Variants in PLEKHH2 observed in about 807,000 individuals in gnomAD.
The protein encoded by PLEKHH2 is pleckstrin homology, MyTH4 and FERM domain containing H2, also known as pleckstrin homology domain-containing family H member 2.
A neutral mutation model predicts 187.9 loss-of-function variants in PLEKHH2; 129 were observed. The ratio of observed to expected loss-of-function variants is 0.69; its 90% CI spans 0.59 to 0.79. PLEKHH2 has a LOEUF of 0.79. Among genes scored for constraint, PLEKHH2 ranks in the 30% least tolerant of loss-of-function variants. The pLI, the probability that PLEKHH2 is intolerant of heterozygous loss-of-function variation, is 0.00. For missense variants in PLEKHH2, 2,076 were observed against 1,751.2 expected, an observed-to-expected ratio of 1.19 and a Z score of -3.31; for synonymous variants, 686 against 605.6, an observed-to-expected ratio of 1.13 and a Z score of -1.95.
intron 2 of PLEKHH2, among the ~76,000 whole-genome samples, chr2:43,663,955 T>G (rs1667106264): frequency 8.3e-6 from 1 of 119,912 alleles, no homozygotes; most frequent in Non-Finnish European, 1.8e-5. Context: ...TTCTGTTGAT[T>G]TGGGGTGGAG....
chr2:43,762,868 C>T (rs559413166), intron 28 of PLEKHH2, among the ~76,000 whole-genome samples: 4 of 152,188 alleles, frequency 2.6e-5, no homozygotes, highest in African/African-American at 9.6e-5. Context: ...TATATGTGTT[C>T]ATTTATTTAC....
intron 20 of PLEKHH2, among the ~76,000 whole-genome samples, chr2:43,740,258 C>T (rs1671499218): frequency 6.6e-6 from 1 of 152,086 alleles, no homozygotes; most frequent in African/African-American, 2.4e-5. Flanking sequence ...CATTTTTTAA[C>T]AAATGCAGTG....
intron 3 of PLEKHH2, among the ~76,000 whole-genome samples, chr2:43,682,008 A>G (rs1420050765): frequency 6.6e-6 from 1 of 152,134 alleles, no homozygotes; most frequent in Non-Finnish European, 1.5e-5. Context: ...CGCATCACCC[A>G]CTTCAACAAT....
chr2:43,701,158 A>G (rs762029504), intron 8 of PLEKHH2, among the ~76,000 whole-genome samples: 1 of 152,238 alleles, frequency 6.6e-6, no homozygotes, highest in Non-Finnish European at 1.5e-5. Context: ...GAACTTTGAG[A>G]TTAGCTGGAT....
intron 2 of PLEKHH2, among the ~76,000 whole-genome samples, chr2:43,667,499 A>G: frequency 6.6e-6 from 1 of 152,364 alleles, no homozygotes; most frequent in African/African-American, 2.4e-5. Flanking sequence ...TCATAGCACC[A>G]TTATTTATAA....
chr2:43,762,137 C>T (rs565063240), intron 27 of PLEKHH2, among the ~76,000 whole-genome samples, 167 bp from the exon 28 acceptor site: 20 of 152,302 alleles, frequency 1.3e-4, no homozygotes, highest in African/African-American at 4.6e-4. Context: ...CGAATTCACT[C>T]TTAGCTCCGG....
At position 43,709,705 on chromosome 2, in the gene PLEKHH2, G is replaced by A. The variant is rs191165289; in HGVS notation, c.1967-285G>A. On this transcript the variant is annotated intron_variant, in intron 11 of 29. Coordinates refer to ENST00000282406, the MANE Select transcript of PLEKHH2 (RefSeq NM_172069.4). Reference sequence around the variant, plus strand: ...ACAAAAATTAGCTGGGCGTGGTGGCGCACACCTGTAGCCCCAGCTACTCGG... The same window carrying A: ...ACAAAAATTAGCTGGGCGTGGTGGCACACACCTGTAGCCCCAGCTACTCGG... Among the ~76,000 whole-genome samples the A allele has an allele frequency of 3.5e-3, 538 of 152,208 alleles. 4 individuals carry two copies. Among genetic ancestry groups the A allele is most frequent in the Middle Eastern group, 0.01 (3 of 294 alleles).
intron 11 of PLEKHH2, 71 bp from the exon 12 acceptor site, chr2:43,709,919 A>G: frequency 7.3e-7 from 1 of 1,376,748 alleles, no homozygotes; most frequent in Non-Finnish European, 9.9e-7. Flanking sequence ...ATTCTGTAGG[A>G]GCACTCAGAG....
Position 43,758,888 on chromosome 2 carries a change from C to CTT in PLEKHH2, c.3942-4_3942-3dup. The CTT allele has an allele frequency of 3.2e-6, 5 of 1,545,178 alleles. No homozygotes were observed. In the South Asian group the frequency reaches 3.6e-5, roughly 11 times the overall value. On this transcript the variant is annotated splice_polypyrimidine_tract_variant and intron_variant, in intron 26 of 29. Transcript: ENST00000282406. ...TTAGTGTTTTTGTTTTTGTTCTTTTCTTTTTTTTTAGGCAGCTTTGCCAGC... is the reference window on the plus strand; with the variant it reads ...TTAGTGTTTTTGTTTTTGTTCTTTTCTTTTTTTTTTTAGGCAGCTTTGCCAGC...
intron 15 of PLEKHH2, among the ~76,000 whole-genome samples, chr2:43,713,790 C>G (rs753150101): frequency 4.6e-5 from 7 of 151,516 alleles, no homozygotes; most frequent in African/African-American, 7.3e-5. Flanking sequence ...CATTCATGTA[C>G]TCTGATTATG....
At chr2:43,742,174 G>A (rs1481463295) in intron 21 of PLEKHH2, among the ~76,000 whole-genome samples, 1 of 151,866 alleles carries the variant, frequency 6.6e-6, no homozygotes, top group African/African-American at 2.4e-5. Context: ...CTAATTTTTT[G>A]TATTTTCAAT....
rs189696102 is a variant in PLEKHH2 at position 43,764,202 on chromosome 2, A to G, written c.4159-26A>G. On this transcript the variant is annotated intron_variant, in intron 28 of 29. Transcript: ENST00000282406. ...CTCCTTGGAAGTAAGAGCATATAACATATATACTTTTTCTTATCTTTAAAG... is the reference window on the plus strand; with the variant it reads ...CTCCTTGGAAGTAAGAGCATATAACGTATATACTTTTTCTTATCTTTAAAG... 52 of 1,345,032 alleles carry G rather than the reference A, an allele frequency of 3.9e-5. No homozygotes were observed. In the Admixed American group the frequency reaches 1.3e-3, roughly 33 times the overall value. The allele number at this position is 1,345,032 out of a possible 1,614,324, so 83.3% of individuals were successfully genotyped here. A position where few individuals can be genotyped will look rare whatever the true frequency, so the allele number is the denominator to read the frequency against.
rs1339399860 is a variant in PLEKHH2, at chr2:43,700,111, G to A, written c.1153G>A (p.Glu385Lys). ...SKKEQDSSSD[E>K]LNKKFQSQRL... is the part of the protein sequence containing the mutation. ...AAAGGAACAAGATAGTTCCTCGGATGAACTGAATAAAAAATTTCAATCCCA... is the reference window on the plus strand; with the variant it reads ...AAAGGAACAAGATAGTTCCTCGGATAAACTGAATAAAAAATTTCAATCCCA... Residue 385 changes from glutamate (E) to lysine (K), a missense_variant, in exon 8 of 30, where the codon GAA (glutamate) becomes AAA (lysine). Glu to Lys is a moderately conservative substitution (Grantham distance 56, BLOSUM62 1). Coordinates refer to ENST00000282406, the MANE Select transcript of PLEKHH2 (RefSeq NM_172069.4). The A allele has an allele frequency of 6.2e-7, 1 of 1,614,108 alleles. No individual in the cohort carries two copies. The highest frequency in any genetic ancestry group is 1.7e-5 in the Admixed American group (1 of 60,010).
Position 43,765,588 on chromosome 2 carries a change from C to G in PLEKHH2, c.4472C>G (p.Thr1491Ser), listed in dbSNP as rs562402472. The G allele has an allele frequency of 7.4e-6, 12 of 1,613,234 alleles. No homozygotes were observed. The African/African-American group carries it at 1.3e-4, about 18-fold the overall frequency. ...AGCAGCAGACCGACCAAAGGCCCCA[C>G]CTTACTCTGAAAGCTGGGGAGCCTG... ...LSSSRPTKGP[T>S]LL is the part of the protein sequence containing the mutation. The change falls in exon 30 of 30, where the codon ACC becomes AGC. Residue 1491 changes from threonine (T) to serine (S), a missense_variant. Transcript: ENST00000282406.
At chr2:43,659,063 C>T (rs1050282285) in intron 2 of PLEKHH2, among the ~76,000 whole-genome samples, 7 of 148,862 alleles carry the variant, frequency 4.7e-5, no homozygotes, top group Non-Finnish European at 1.0e-4. Context: ...GCCTTGACCT[C>T]CTGGGCTGAA....
intron 28 of PLEKHH2, 37 bp downstream of exon 28, chr2:43,762,427 T>G: frequency 2.1e-6 from 3 of 1,435,834 alleles, no homozygotes; most frequent in Non-Finnish European, 2.9e-6. Flanking sequence ...TTAAGTCAAC[T>G]GTTTCCATTG....
intron 3 of PLEKHH2, among the ~76,000 whole-genome samples, chr2:43,691,305 C>G (rs1028521956): frequency 6.6e-6 from 1 of 152,126 alleles, no homozygotes; most frequent in African/African-American, 2.4e-5. Context: ...TGGGGGTGGT[C>G]CCCCCACCCG....
At chr2:43,699,059 C>T (rs7591961) in intron 7 of PLEKHH2, among the ~76,000 whole-genome samples, 89,658 of 151,974 alleles carry the variant, frequency 0.59, 27,836 homozygotes, top group African/African-American at 0.78. Flanking sequence ...TCATTATAAT[C>T]TAAATATTTA....
chr2:43,702,527 C>CTTTT (rs1167078689), intron 8 of PLEKHH2, among the ~76,000 whole-genome samples: 9,750 of 56,890 alleles, frequency 0.17, 1,172 homozygotes, highest in African/African-American at 0.2. Context: ...CATTCTACTA[C>CTTTT]TTTTTTTTTT....
Sources: allele counts gnomAD v4.1 joint callset (sites outside exome capture counted in the v4.1 genomes callset), GRCh38; gene constraint gnomAD v4.1.1; transcripts MANE v1.5; gene names NCBI Gene and HGNC (gene_info 2026-07-23, HGNC 2026-07-21).